Variants in TRIM2 observed in about 807,000 individuals in gnomAD.
The protein encoded by TRIM2 is tripartite motif containing 2.
TRIM2 carries 20 observed loss-of-function variants against 75.2 expected under a neutral mutation model. That is an observed-to-expected ratio of 0.27 (90% CI 0.19 to 0.39). The LOEUF is 0.39. Ranked by LOEUF, TRIM2 falls within the 10% of genes least tolerant of loss-of-function variation. The pLI is 1.00. For missense variants in TRIM2, 660 were observed against 990.8 expected, an observed-to-expected ratio of 0.67 and a Z score of 4.48; for synonymous variants, 373 against 388.3, an observed-to-expected ratio of 0.96 and a Z score of 0.46.
chr4:153,154,443 G>T (rs557506065), intron 1 of TRIM2, among the ~76,000 whole-genome samples: 2 of 152,300 alleles, frequency 1.3e-5, no homozygotes, highest in South Asian at 2.1e-4. Context: ...CCAGGTCTCC[G>T]TTTCCTCATC....
Position 153,294,466 on chromosome 4 carries a change from A to G in TRIM2, c.767A>G (p.Asn256Ser). 3.1e-6 allele frequency: 5 copies of G among 1,613,920 alleles called. No homozygotes were observed. The highest frequency in any genetic ancestry group is 1.1e-5 in the South Asian group (1 of 91,000). The change falls in exon 5 of 12, where the codon AAC becomes AGC. Residue 256 changes from asparagine (N) to serine (S), a missense_variant. By Grantham distance (46) the Asn-to-Ser change is conservative. Transcript: ENST00000338700. ...GTGCTGCTTATGGAATTGGAGGTCA[A>G]CTATGGCCTCAAACACAAAGTAAGA... The part of the protein sequence containing the change: ...KSVLLMELEV[N>S]YGLKHKVLQS...
At chr4:153,293,188 T>C in intron 4 of TRIM2, 55 bp downstream of exon 4, 3 of 1,533,304 alleles carry the variant, frequency 2.0e-6, no homozygotes, top group Non-Finnish European at 2.7e-6. Flanking sequence ...AGGCCTGGCC[T>C]CATGGCCTCT....
chr4:153,268,970 C>T (rs139767690), intron 1 of TRIM2, among the ~76,000 whole-genome samples: 15 of 152,268 alleles, frequency 9.9e-5, no homozygotes, highest in Admixed American at 7.8e-4. Flanking sequence ...ATCTATAAAC[C>T]TTTAGTCCTG....
At chr4:153,231,583 G>C (rs1241097811) in intron 1 of TRIM2, among the ~76,000 whole-genome samples, 1 of 152,168 alleles carries the variant, frequency 6.6e-6, no homozygotes, top group Non-Finnish European at 1.5e-5. Context: ...GGGCATTGAG[G>C]TGAAATAAGG....
At chr4:153,190,075 A>C (rs949671129) in intron 1 of TRIM2, among the ~76,000 whole-genome samples, 1 of 152,260 alleles carries the variant, frequency 6.6e-6, no homozygotes, top group Non-Finnish European at 1.5e-5. Context: ...CTAAGTTTAA[A>C]GCTCAGCAAA....
chr4:153,232,463 C>T (rs1026603505), intron 1 of TRIM2, among the ~76,000 whole-genome samples: 6 of 152,112 alleles, frequency 3.9e-5, no homozygotes, highest in South Asian at 2.1e-4. Flanking sequence ...CATGCCACTG[C>T]GCTCCAGCCT....
At chr4:153,180,634 C>T (rs1731956628) in intron 1 of TRIM2, among the ~76,000 whole-genome samples, 2 of 152,320 alleles carry the variant, frequency 1.3e-5, no homozygotes, top group East Asian at 1.9e-4. Context: ...TGTGCCACCA[C>T]GCTCAGCTAA....
At chr4:153,239,832 C>CTTTT (rs142457664) in intron 1 of TRIM2, among the ~76,000 whole-genome samples, 3,830 of 138,976 alleles carry the variant, frequency 0.028, 109 homozygotes, top group South Asian at 0.041. Context: ...AACTTTCTTT[C>CTTTT]TCTTTTTTTT....
At chr4:153,249,636 C>A (rs565396518) in intron 1 of TRIM2, among the ~76,000 whole-genome samples, 2 of 150,778 alleles carry the variant, frequency 1.3e-5, no homozygotes, top group East Asian at 3.9e-4. Flanking sequence ...CGCCCCGGCC[C>A]TGGGGGCCTC....
intron 1 of TRIM2, among the ~76,000 whole-genome samples, chr4:153,185,309 C>G (rs1732485744): frequency 6.6e-6 from 1 of 152,198 alleles, no homozygotes; most frequent in Non-Finnish European, 1.5e-5. Context: ...ACATGACAGG[C>G]TCCCCGTCAG....
chr4:153,226,861 A>G (rs192721693), intron 1 of TRIM2, among the ~76,000 whole-genome samples: 9 of 152,368 alleles, frequency 5.9e-5, no homozygotes, highest in South Asian at 4.1e-4. Context: ...CAGGTAGAAG[A>G]AAGGAAAGAT....
At chr4:153,268,433 A>G (rs181672361) in intron 1 of TRIM2, among the ~76,000 whole-genome samples, 98 of 152,342 alleles carry the variant, frequency 6.4e-4, no homozygotes, top group African/African-American at 2.1e-3. Context: ...ATGCCCGGGA[A>G]TGAACAAGGA....
chr4:153,157,219 T>G (rs1474388709), intron 1 of TRIM2: 1 of 152,202 alleles, frequency 6.6e-6, no homozygotes, highest in Non-Finnish European at 1.5e-5. Flanking sequence ...CTGTTTTCAG[T>G]TCCCACAGGC....
intron 1 of TRIM2, among the ~76,000 whole-genome samples, chr4:153,253,451 C>G (rs1751337401): frequency 6.6e-6 from 1 of 152,160 alleles, no homozygotes; most frequent in Non-Finnish European, 1.5e-5. Context: ...CCCTACTACC[C>G]CATGGGAGGG....
chr4:153,232,181 G>A (rs1743823596), intron 1 of TRIM2, among the ~76,000 whole-genome samples: 1 of 152,138 alleles, frequency 6.6e-6, no homozygotes, highest in Non-Finnish European at 1.5e-5. Flanking sequence ...CTTTTTGGAG[G>A]GAGGGGGACA....
intron 1 of TRIM2, among the ~76,000 whole-genome samples, chr4:153,179,586 T>C (rs1319087620): frequency 2.0e-5 from 3 of 152,184 alleles, no homozygotes; most frequent in African/African-American, 4.8e-5. Context: ...CTTTAGCTTT[T>C]ATTCTGGAGC....
rs558623764 is a variant in TRIM2, at chr4:153,271,058, A to G, written c.215+539A>G. Among the ~76,000 whole-genome samples, 5 of 152,332 alleles carry G rather than the reference A, an allele frequency of 3.3e-5. No homozygotes were observed. In the South Asian group the frequency reaches 6.2e-4, roughly 19 times the overall value. On this transcript the variant is annotated intron_variant, in intron 2 of 11. Coordinates refer to ENST00000338700, the MANE Select transcript of TRIM2 (RefSeq NM_015271.5). ...ATTACCTGACTATGTAATTTGCTGT[A>G]TGTGAAAACAGACTTCCTTATTTAT...
rs979316656 is a variant in TRIM2 at position 153,248,273 on chromosome 4, G to T, written c.31-22062G>T. Among the ~76,000 whole-genome samples the T allele has an allele frequency of 6.6e-6, 1 of 152,140 alleles. No homozygotes were observed. Among genetic ancestry groups the T allele is most frequent in the Admixed American group, 6.5e-5 (1 of 15,274 alleles). ...AGCCTCCCAAAGTGCTGAGATTACAGGCGTGAGCCACCGCACCCGGCCTAG... is the reference window on the plus strand; with the variant it reads ...AGCCTCCCAAAGTGCTGAGATTACATGCGTGAGCCACCGCACCCGGCCTAG... On this transcript the variant is annotated intron_variant, in intron 1 of 11. Transcript: ENST00000338700. The surrounding 1 kb of genome is among the most constrained non-coding windows in gnomAD (Gnocchi z 4.0).
At chr4:153,303,257 A>T (rs1764292213) in intron 6 of TRIM2, among the ~76,000 whole-genome samples, 1 of 152,048 alleles carries the variant, frequency 6.6e-6, no homozygotes. Context: ...TGAGGTCAGC[A>T]GTTTGAGACC....
Sources: allele counts gnomAD v4.1 joint callset (sites outside exome capture counted in the v4.1 genomes callset), GRCh38; gene constraint gnomAD v4.1.1; non-coding constraint Gnocchi (gnomAD v3.1); transcripts MANE v1.5; gene names NCBI Gene and HGNC (gene_info 2026-07-23, HGNC 2026-07-21).